Variants in NCOA7 observed in about 807,000 individuals in gnomAD.
NCOA7 encodes nuclear receptor coactivator 7.
Under a neutral mutation model 104.3 loss-of-function variants are expected in NCOA7, and 45 were observed. The observed-to-expected ratio is 0.43, with a 90% CI of 0.34 to 0.55. NCOA7 has a LOEUF of 0.55. Ranked by LOEUF, NCOA7 falls within the 20% of genes least tolerant of loss-of-function variation. The pLI, the probability that NCOA7 is intolerant of heterozygous loss-of-function variation, is 0.02. For synonymous variants in NCOA7, 398 were observed against 402.3 expected, an observed-to-expected ratio of 0.99 and a Z score of 0.13; for missense variants, 1,041 against 1,119.7, an observed-to-expected ratio of 0.93 and a Z score of 1.00.
At chr6:125,809,549 A>G (rs917361553) in intron 1 of NCOA7, among the ~76,000 whole-genome samples, 1 of 152,190 alleles carries the variant, frequency 6.6e-6, no homozygotes, top group Non-Finnish European at 1.5e-5. Flanking sequence ...CTCTACTGTT[A>G]CAGGGAGTGT....
intron 2 of NCOA7, among the ~76,000 whole-genome samples, chr6:125,852,527 T>G (rs995565749): frequency 6.6e-6 from 1 of 152,150 alleles, no homozygotes; most frequent in Admixed American, 6.5e-5. Flanking sequence ...TTCTAGAGTT[T>G]TTGTGGTATC....
chr6:125,810,867 T>C (rs1223311833), intron 1 of NCOA7, among the ~76,000 whole-genome samples: 1 of 152,076 alleles, frequency 6.6e-6, no homozygotes, highest in Non-Finnish European at 1.5e-5. Flanking sequence ...TATTGAAAAA[T>C]AAAAAAAGCC....
chr6:125,859,319 T>G (rs1781852209), intron 3 of NCOA7, among the ~76,000 whole-genome samples: 1 of 152,068 alleles, frequency 6.6e-6, no homozygotes, highest in Non-Finnish European at 1.5e-5. Flanking sequence ...TTTGGAGATG[T>G]TTTTGAGCTG....
At chr6:125,804,078 A>G (rs1776179303) in intron 1 of NCOA7, among the ~76,000 whole-genome samples, 1 of 152,182 alleles carries the variant, frequency 6.6e-6, no homozygotes, top group Non-Finnish European at 1.5e-5. Flanking sequence ...ATTCTCTGCA[A>G]GGATTTGGAT....
rs767089345 is a variant in NCOA7 at position 125,915,345 on chromosome 6, G to A, written c.2109G>A (p.Leu703=). The change falls in exon 11 of 16, where the codon TTG becomes TTA. Residue 703 remains leucine (L), a synonymous_variant. Transcript: ENST00000392477. ...FAVPRERVDH[L]YTFFVQWSPD... ...ACGTGTTTTTCAGGGTGGATCATTT[G>A]TACACATTCTTTGTTCAGTGGTCTC... is the stretch of plus-strand genomic sequence containing the variant. 6.2e-7 allele frequency: 1 copy of A among 1,613,752 alleles called. No individual in the cohort carries two copies. The highest frequency in any genetic ancestry group is 8.5e-7 in the Non-Finnish European group (1 of 1,179,712).
intron 9 of NCOA7, 148 bp downstream of exon 9, chr6:125,890,129 G>A: frequency 1.7e-6 from 1 of 596,606 alleles, no homozygotes; most frequent in Non-Finnish European, 2.5e-6. Context: ...AACAATTGGG[G>A]AGAAAATTTA....
intron 3 of NCOA7, among the ~76,000 whole-genome samples, chr6:125,857,721 C>T (rs1248398392): frequency 2.6e-5 from 4 of 152,054 alleles, no homozygotes; most frequent in East Asian, 1.9e-4. Context: ...CCATCACGCC[C>T]GGCTAATTTT....
intron 2 of NCOA7, among the ~76,000 whole-genome samples, chr6:125,820,767 A>C (rs1562828671): frequency 6.6e-6 from 1 of 152,194 alleles, no homozygotes; most frequent in Non-Finnish European, 1.5e-5. Flanking sequence ...CCTGTTGTTC[A>C]GATCAGGGAA....
rs1053641773 is a variant in NCOA7 at position 125,825,528 on chromosome 6, G to A, written c.50+10124G>A. On this transcript the variant is annotated intron_variant, in intron 2 of 15. Coordinates refer to ENST00000392477, the MANE Select transcript of NCOA7 (RefSeq NM_181782.5). ...GACATCTGTGGTGCATGTACTTCAC[G>A]ATTTAGAGCTAGAAGAGCTTTGGTT... Among the ~76,000 whole-genome samples the A allele has an allele frequency of 6.6e-5, 10 of 152,320 alleles. No individual in the cohort carries two copies. In the East Asian group the frequency reaches 1.5e-3, roughly 23 times the overall value.
chr6:125,791,300 C>T (rs1774829980), intron 1 of NCOA7, among the ~76,000 whole-genome samples: 1 of 152,228 alleles, frequency 6.6e-6, no homozygotes, highest in African/African-American at 2.4e-5. Flanking sequence ...CCCCGCCCAC[C>T]CCTTGGGGGG....
At chr6:125,813,469 T>A (rs1396291246) in intron 1 of NCOA7, among the ~76,000 whole-genome samples, 3 of 150,504 alleles carry the variant, frequency 2.0e-5, no homozygotes, top group East Asian at 3.9e-4. Context: ...TTTTTTTTTT[T>A]AGACGGAGTT....
chr6:125,859,627 ATAAAG>A (rs1334801471), intron 3 of NCOA7, among the ~76,000 whole-genome samples: 13 of 152,230 alleles, frequency 8.5e-5, no homozygotes, highest in African/African-American at 3.1e-4. Flanking sequence ...AGAGTTGAAA[ATAAAG>A]TAAAAGTAAG....
At chr6:125,795,925 C>T (rs1366989227) in intron 1 of NCOA7, among the ~76,000 whole-genome samples, 1 of 151,104 alleles carries the variant, frequency 6.6e-6, no homozygotes, top group East Asian at 1.9e-4. Context: ...TGTTTGTGGA[C>T]CCCCAAGTTA....
intron 13 of NCOA7, among the ~76,000 whole-genome samples, chr6:125,923,212 C>T (rs1017340990): frequency 3.3e-5 from 5 of 152,156 alleles, no homozygotes; most frequent in Non-Finnish European, 7.3e-5. Context: ...AAATAAGTTC[C>T]AGTGCCATAC....
chr6:125,916,241 C>T (rs1278679505), intron 11 of NCOA7, among the ~76,000 whole-genome samples: 3 of 152,172 alleles, frequency 2.0e-5, no homozygotes, highest in Admixed American at 1.3e-4. Flanking sequence ...AGGTGCTTAC[C>T]TCTCCTTTGC....
At chr6:125,904,294 C>G (rs1006826044) in intron 10 of NCOA7, among the ~76,000 whole-genome samples, 6 of 152,188 alleles carry the variant, frequency 3.9e-5, no homozygotes, top group South Asian at 4.1e-4. Flanking sequence ...CGATGCCCCT[C>G]AGCTGTTGTG....
At chr6:125,927,387 A>T (rs1788124279) in intron 13 of NCOA7, among the ~76,000 whole-genome samples, 1 of 152,214 alleles carries the variant, frequency 6.6e-6, no homozygotes, top group African/African-American at 2.4e-5. Flanking sequence ...AATCTTTTAA[A>T]ATTGGAACAA....
At position 125,888,943 on chromosome 6, in the gene NCOA7, C is replaced by T; in HGVS notation, c.889C>T (p.Leu297=). 14 of 1,591,698 alleles carry T rather than the reference C, an allele frequency of 8.8e-6. No homozygotes were observed. Among genetic ancestry groups the T allele is most frequent in the Non-Finnish European group, 1.0e-5 (12 of 1,168,044 alleles). The change falls in exon 9 of 16, where the codon CTA becomes TTA. Residue 297 remains leucine (L), a synonymous_variant. Transcript: ENST00000392477. ...MKIKDALPSD[L]PQDLCPLYRP... Reference sequence around the variant, plus strand: ...CCACCATTTCTCCCCCAACAGTGACCTACCTCAGGATCTTTGTCCTCTGTA... The same window carrying T: ...CCACCATTTCTCCCCCAACAGTGACTTACCTCAGGATCTTTGTCCTCTGTA...
Position 125,919,577 on chromosome 6 carries a change from T to A in NCOA7, c.2245-1366T>A, listed in dbSNP as rs558655541. ...GGTGTTTTATTCATTGCGGAGAGGG[T>A]TATGGTGTGGTTGCCTCTTCTCATT... On this transcript the variant is annotated intron_variant, in intron 11 of 15. Transcript: ENST00000392477. 2.0e-4 allele frequency: 151 copies of A among 763,914 alleles called. No individual in the cohort carries two copies. The South Asian group carries it at 3.0e-3, about 15-fold the overall frequency. The allele number at this position is 763,914 out of a possible 1,614,324, so 47.3% of individuals were successfully genotyped here.
Sources: gnomAD v4.1 joint callset for allele counts (sites outside exome capture counted in the v4.1 genomes callset) on GRCh38, gnomAD v4.1.1 for gene constraint, MANE v1.5 for transcripts, NCBI Gene and HGNC (gene_info 2026-07-23, HGNC 2026-07-21) for gene names.